Variants in JPT1 observed in about 807,000 individuals in gnomAD.
JPT1 encodes the protein androgen-regulated protein 2.
A neutral mutation model predicts 17.0 loss-of-function variants in JPT1; 5 were observed. That is an observed-to-expected ratio of 0.29 (90% confidence interval 0.15 to 0.62). The LOEUF (loss-of-function observed/expected upper bound fraction) is 0.62. JPT1 is among the 20% of genes least tolerant of loss of function. The pLI is 0.85. For missense variants in JPT1, 158 were observed against 188.1 expected (o/e 0.84, Z 0.94); for synonymous variants, 71 against 73.6 (o/e 0.96, Z 0.18).
chr17:75,138,408 G>A (rs2074248099), intron 4 of JPT1: 2 of 143,976 alleles, frequency 1.4e-5, no homozygotes, highest in Admixed American at 1.5e-4. Flanking sequence ...CTATATTAAT[G>A]GATTTTTTTT....
chr17:75,144,215 A>T (rs2074380672), intron 4 of JPT1, among the ~76,000 whole-genome samples: 1 of 152,052 alleles, frequency 6.6e-6, no homozygotes, highest in Admixed American at 6.6e-5. Flanking sequence ...GTTTATTTGT[A>T]TCCTTTCAAA....
At chr17:75,139,650 G>A (rs1473648016) in intron 4 of JPT1, among the ~76,000 whole-genome samples, 2 of 151,908 alleles carry the variant, frequency 1.3e-5, no homozygotes, top group African/African-American at 4.8e-5. Flanking sequence ...GTGAAACCCC[G>A]TGTCTACAAA....
chr17:75,152,413 T>C (rs2074568716), intron 1 of JPT1, among the ~76,000 whole-genome samples: 1 of 152,076 alleles, frequency 6.6e-6, no homozygotes, highest in Non-Finnish European at 1.5e-5. Context: ...AGAACATTAC[T>C]GGACAAAATT....
At chr17:75,144,183 C>T (rs569750505) in intron 4 of JPT1, among the ~76,000 whole-genome samples, 9 of 152,204 alleles carry the variant, frequency 5.9e-5, no homozygotes, top group African/African-American at 1.7e-4. Flanking sequence ...ATACCAGGCC[C>T]CAAGTATCTC....
intron 4 of JPT1, among the ~76,000 whole-genome samples, chr17:75,138,117 C>T (rs552177764): frequency 4.0e-5 from 6 of 151,744 alleles, no homozygotes; most frequent in East Asian, 2.0e-4. Flanking sequence ...CCCGCTACAA[C>T]GCCCGACTAA....
intron 4 of JPT1, 78 bp from the exon 5 acceptor site, chr17:75,136,328 T>A (rs1030749170): frequency 2.4e-5 from 34 of 1,433,868 alleles, no homozygotes; most frequent in Non-Finnish European, 5.6e-6. Context: ...TTTCTCTTTT[T>A]CTTTTTTTTT....
At position 75,136,171 on chromosome 17, in the gene JPT1, C is replaced by T. The variant is rs11555244; in HGVS notation, c.396G>A (p.Pro132=). Residue 132 remains proline (P), a synonymous_variant, in exon 5 of 5, where the codon CCG becomes CCA. Transcript: ENST00000409753. The part of the protein sequence containing the change: ...KPVPAAPVPS[P]VAPAPVPSRR... ...TGGATGGCACTGGGGCCGGGGCCACCGGGCTGGGCACAGGCGCAGCAGGCA... is the reference window on the plus strand; with the variant it reads ...TGGATGGCACTGGGGCCGGGGCCACTGGGCTGGGCACAGGCGCAGCAGGCA... The T allele has an allele frequency of 2.7e-4, 436 of 1,614,132 alleles. 1 individual carries two copies. In the African/African-American group the frequency reaches 4.9e-3, roughly 18 times the overall value.
In JPT1 at chr17:75,135,643, G is replaced by A. The variant is rs1390674877; in HGVS notation, c.*459C>T. The A allele has an allele frequency of 5.7e-6, 1 of 176,468 alleles. No homozygotes were observed. Among genetic ancestry groups the A allele is most frequent in the East Asian group, 1.5e-4 (1 of 6,504 alleles). 10.9% of individuals were successfully genotyped at this position (176,468 alleles called of 1,614,324 possible). ...TCATTGTTCACATGTCACAGGAGGA[G>A]GCTCTGAGCAAAGGCCACTGGCAAG... On this transcript the variant is annotated 3_prime_UTR_variant, in exon 5 of 5. Coordinates refer to ENST00000409753, the MANE Select transcript of JPT1 (RefSeq NM_016185.4).
intron 4 of JPT1, chr17:75,142,827 G>A (rs567690320): frequency 8.8e-6 from 4 of 454,492 alleles, no homozygotes; most frequent in Non-Finnish European, 1.8e-5. Context: ...ATACATCTTC[G>A]GTCCAATGCA....
At chr17:75,151,364 TAATAA>T (rs1342459372) in intron 1 of JPT1, among the ~76,000 whole-genome samples, 1 of 151,340 alleles carries the variant, frequency 6.6e-6, no homozygotes, top group Non-Finnish European at 1.5e-5. Flanking sequence ...ATAATAATAA[TAATAA>T]AATTAAGGTC....
chr17:75,154,489 AC>A lies in JPT1; in HGVS notation c.-93del. 8.0e-7 allele frequency: 1 copy of A among 1,243,608 alleles called. No homozygotes were observed. The highest frequency in any genetic ancestry group is 1.1e-6 in the Non-Finnish European group (1 of 897,808). The allele number at this position is 1,243,608 out of a possible 1,614,324, so 77.0% of individuals were successfully genotyped here. On this transcript the variant is annotated 5_prime_UTR_variant, in exon 1 of 5. Transcript: ENST00000409753. Reference sequence around the variant, plus strand: ...TGGGAAACTCCACACCCAACAGCCGACCACCGCTGCAGGAGCCGCCGCTGCC... The same window carrying A: ...TGGGAAACTCCACACCCAACAGCCGACACCGCTGCAGGAGCCGCCGCTGCC...
At chr17:75,152,273 T>G (rs2074566180) in intron 1 of JPT1, among the ~76,000 whole-genome samples, 1 of 152,240 alleles carries the variant, frequency 6.6e-6, no homozygotes, top group African/African-American at 2.4e-5. Flanking sequence ...AATGTGTCCA[T>G]GTACTGTAAA....
chr17:75,154,253 A>G, intron 1 of JPT1, 89 bp downstream of exon 1: 1 of 1,068,752 alleles, frequency 9.4e-7, no homozygotes. Context: ...GGGGCTCGTT[A>G]CCCGCAACGA....
intron 4 of JPT1, 67 bp from the exon 5 acceptor site, chr17:75,136,317 GTTTCTC>G: frequency 1.4e-6 from 2 of 1,437,190 alleles, no homozygotes; most frequent in Non-Finnish European, 9.3e-7. Context: ...TCAAGGATCT[GTTTCTC>G]TTTTTCTTTT....
In JPT1 at chr17:75,137,328, G is replaced by T. The variant is rs1009987341; in HGVS notation, c.317-1078C>A. 5.3e-5 allele frequency among the ~76,000 whole-genome samples: 8 copies of T among 151,046 alleles called. No individual in the cohort carries two copies. The East Asian group carries it at 5.8e-4, about 11-fold the overall frequency. ...TAGTATACATATTTTTAGTTTTTTT[G>T]TTTGTTTGTTTTTTGTGGAGGGGTG... is the stretch of plus-strand genomic sequence containing the variant. On this transcript the variant is annotated intron_variant, in intron 4 of 4. Transcript: ENST00000409753.
intron 3 of JPT1, 109 bp downstream of exon 3, chr17:75,147,447 T>A: frequency 1.3e-6 from 1 of 749,572 alleles, no homozygotes; most frequent in South Asian, 1.5e-5. Context: ...CCAGTCCCTT[T>A]CCTAACTACC....
chr17:75,136,159 GGCCGGGGCCACCGGGCTGGGCACAGGC>G lies in JPT1; in HGVS notation c.381_407del (p.Pro132_Ser140del), dbSNP rs2074191020. 5 of 1,614,174 alleles carry G rather than the reference GGCCGGGGCCACCGGGCTGGGCACAGGC, an allele frequency of 3.1e-6. No individual in the cohort carries two copies. Among genetic ancestry groups the G allele is most frequent in the Non-Finnish European group, 4.2e-6 (5 of 1,180,036 alleles). ...GGGGATTTCTTCTGGATGGCACTGGGGCCGGGGCCACCGGGCTGGGCACAGGCGCAGCAGGCACGGGCTTCTCTTCAC... is the reference window on the plus strand; with the variant it reads ...GGGGATTTCTTCTGGATGGCACTGGGGCAGCAGGCACGGGCTTCTCTTCAC... On this transcript the variant is annotated inframe_deletion, in exon 5 of 5. Transcript: ENST00000409753.
At chr17:75,151,592 G>A (rs894647646) in intron 1 of JPT1, among the ~76,000 whole-genome samples, 3 of 152,078 alleles carry the variant, frequency 2.0e-5, no homozygotes, top group Non-Finnish European at 4.4e-5. Flanking sequence ...AACCCGGGAG[G>A]CAGAGGTTGC....
intron 4 of JPT1, chr17:75,141,320 A>C (rs2074303280): frequency 6.6e-6 from 1 of 152,240 alleles, no homozygotes; most frequent in African/African-American, 2.4e-5. Flanking sequence ...CAGATGAACT[A>C]AAGTTGCAGC....
Sources: gnomAD v4.1 joint callset for allele counts (sites outside exome capture counted in the v4.1 genomes callset) on GRCh38, gnomAD v4.1.1 for gene constraint, MANE v1.5 for transcripts, NCBI Gene and HGNC (gene_info 2026-07-23, HGNC 2026-07-21) for gene names.